NOS1AP: variants seen among roughly 807,000 people sequenced by gnomAD.
NOS1AP encodes the protein carboxyl-terminal PDZ ligand of neuronal nitric oxide synthase protein.
NOS1AP carries 21 observed loss-of-function variants against 56.2 expected under a neutral mutation model. The ratio of observed to expected loss-of-function variants is 0.37; its 90% CI spans 0.26 to 0.54. The LOEUF is 0.54. Among genes scored for constraint, NOS1AP ranks in the 20% least tolerant of loss-of-function variants. The pLI is 0.84. For missense variants in NOS1AP, 522 were observed against 657.8 expected (o/e 0.79, Z 2.26); for synonymous variants, 270 against 274.6 (o/e 0.98, Z 0.17).
intron 2 of NOS1AP, among the ~76,000 whole-genome samples, chr1:162,170,514 A>G (rs1650717881): frequency 6.6e-6 from 1 of 152,202 alleles, no homozygotes. Context: ...GAAAAGTTGT[A>G]CTGAAGTTAA....
chr1:162,084,138 G>A (rs377629244), intron 1 of NOS1AP, among the ~76,000 whole-genome samples: 71 of 152,314 alleles, frequency 4.7e-4, no homozygotes, highest in African/African-American at 1.7e-3. Context: ...ACCCATGTCA[G>A]GTAATTCTAA....
At chr1:162,219,029 A>G (rs1162719264) in intron 2 of NOS1AP, among the ~76,000 whole-genome samples, 1 of 152,116 alleles carries the variant, frequency 6.6e-6, no homozygotes, top group Non-Finnish European at 1.5e-5. Context: ...CAGCAGCAGC[A>G]GAATGTGCAA....
chr1:162,308,089 A>G (rs1655899932), intron 4 of NOS1AP, among the ~76,000 whole-genome samples: 1 of 152,260 alleles, frequency 6.6e-6, no homozygotes, highest in South Asian at 2.1e-4. Context: ...ATAATAAAAG[A>G]GTACCTACAA....
chr1:162,202,852 T>G (rs775131115), intron 2 of NOS1AP, among the ~76,000 whole-genome samples: 6 of 152,296 alleles, frequency 3.9e-5, no homozygotes, highest in Middle Eastern at 3.4e-3. Context: ...GGCTTAGATA[T>G]CTGGAAATAA....
At chr1:162,098,993 T>C (rs1308296394) in intron 1 of NOS1AP, among the ~76,000 whole-genome samples, 1 of 152,204 alleles carries the variant, frequency 6.6e-6, no homozygotes, top group African/African-American at 2.4e-5. Flanking sequence ...TGTATCCTTA[T>C]AATAGAATGA....
chr1:162,070,529 C>T (rs944680044), intron 1 of NOS1AP, among the ~76,000 whole-genome samples: 1 of 152,190 alleles, frequency 6.6e-6, no homozygotes, highest in African/African-American at 2.4e-5. Flanking sequence ...CTGCAGACTC[C>T]CCCATCCTTA....
chr1:162,296,890 A>G (rs146946049), intron 3 of NOS1AP, among the ~76,000 whole-genome samples: 1 of 152,338 alleles, frequency 6.6e-6, no homozygotes, highest in East Asian at 1.9e-4. Flanking sequence ...GTCACAGGTC[A>G]CAAAAACTGT....
At chr1:162,262,707 C>T (rs1410756503) in intron 2 of NOS1AP, among the ~76,000 whole-genome samples, 2 of 152,162 alleles carry the variant, frequency 1.3e-5, no homozygotes, top group African/African-American at 2.4e-5. Flanking sequence ...GGTTAATCAT[C>T]ACATCTAAAA....
At chr1:162,232,798 A>T (rs886822317) in intron 2 of NOS1AP, among the ~76,000 whole-genome samples, 1 of 151,998 alleles carries the variant, frequency 6.6e-6, no homozygotes, top group Non-Finnish European at 1.5e-5. Context: ...TACCTTTATT[A>T]TGCACTCTAT....
intron 1 of NOS1AP, among the ~76,000 whole-genome samples, chr1:162,122,101 T>G (rs1401314703): frequency 6.6e-6 from 1 of 152,230 alleles, no homozygotes; most frequent in Non-Finnish European, 1.5e-5. Flanking sequence ...AAGCTCCCAT[T>G]GATTATTATA....
At chr1:162,220,234 T>G (rs1652724890) in intron 2 of NOS1AP, among the ~76,000 whole-genome samples, 1 of 152,178 alleles carries the variant, frequency 6.6e-6, no homozygotes, top group African/African-American at 2.4e-5. Context: ...TCTTTACATG[T>G]GAATGGGAAT....
chr1:162,109,448 A>T (rs1647630650), intron 1 of NOS1AP, among the ~76,000 whole-genome samples: 2 of 152,212 alleles, frequency 1.3e-5, no homozygotes, highest in African/African-American at 4.8e-5. Flanking sequence ...CTTCTGAAAT[A>T]GATGACATTT....
At chr1:162,121,726 G>A (rs570162993) in intron 1 of NOS1AP, among the ~76,000 whole-genome samples, 29 of 152,154 alleles carry the variant, frequency 1.9e-4, no homozygotes, top group Non-Finnish European at 3.7e-4. Context: ...GTGAAAGTTA[G>A]CAATCATTAC....
In NOS1AP at chr1:162,367,140, C is replaced by A; in HGVS notation, c.1194C>A (p.Asp398Glu). 6.2e-7 allele frequency: 1 copy of A among 1,613,806 alleles called. No homozygotes were observed. Among genetic ancestry groups the A allele is most frequent in the Middle Eastern group, 1.6e-4 (1 of 6,062 alleles). The change falls in exon 10 of 10, where the codon GAC becomes GAA. Residue 398 changes from aspartate (D) to glutamate (E), a missense_variant. Physicochemically the swap from Asp to Glu is conservative, Grantham distance 45. Around this residue, in one of 4 missense-constraint regions of NOS1AP, gnomAD observed 160 missense variants for 180.3 expected, o/e 0.89. Transcript: ENST00000361897. This position sits in a 1 kb window ranked among gnomAD's most constrained non-coding sequence, Gnocchi z 6.5. Reference protein sequence around the residue: ...LCDPTTPKPEDLHSPPLGAGL... With the variant: ...LCDPTTPKPEELHSPPLGAGL... ...ACCCCACGACCCCTAAGCCAGAGGA[C>A]CTGCATTCGCCGCCGCTGGGCGCGG...
chr1:162,077,603 A>G (rs534867278), intron 1 of NOS1AP, among the ~76,000 whole-genome samples: 89 of 151,598 alleles, frequency 5.9e-4, no homozygotes, highest in East Asian at 1.4e-3. Context: ...GTGAAGTCCA[A>G]TTTTTTTTCT....
intron 2 of NOS1AP, among the ~76,000 whole-genome samples, chr1:162,216,618 T>C (rs1403614873): frequency 1.3e-5 from 2 of 152,240 alleles, no homozygotes; most frequent in African/African-American, 4.8e-5. Context: ...ATTTGTCCTG[T>C]CAACATCACA....
intron 2 of NOS1AP, among the ~76,000 whole-genome samples, chr1:162,199,923 A>G (rs1338625160): frequency 6.6e-6 from 1 of 152,224 alleles, no homozygotes; most frequent in African/African-American, 2.4e-5. Flanking sequence ...CCTAGAGTCT[A>G]GAGGACAGCT....
intron 4 of NOS1AP, among the ~76,000 whole-genome samples, chr1:162,321,288 TATTCACA>T (rs1369633939): frequency 6.6e-6 from 1 of 152,166 alleles, no homozygotes; most frequent in Non-Finnish European, 1.5e-5. Flanking sequence ...CCATTGGCGC[TATTCACA>T]ATAGCAAAGA....
intron 2 of NOS1AP, among the ~76,000 whole-genome samples, chr1:162,286,370 A>T (rs1455903912): frequency 2.0e-5 from 3 of 152,196 alleles, no homozygotes; most frequent in Admixed American, 2.0e-4. Context: ...TGTGTATCTT[A>T]ATTTTTAATC....
Sources: allele counts gnomAD v4.1 joint callset (sites outside exome capture counted in the v4.1 genomes callset), GRCh38; gene constraint gnomAD v4.1.1; regional missense constraint gnomAD v4.1.1; non-coding constraint Gnocchi (gnomAD v3.1); transcripts MANE v1.5; gene names NCBI Gene and HGNC (gene_info 2026-07-23, HGNC 2026-07-21).